The following PTPRD variants were observed in gnomAD, a reference collection of about 807,000 sequenced individuals.
PTPRD encodes the protein receptor-type tyrosine-protein phosphatase delta.
In PTPRD, 34 loss-of-function variants were observed where a neutral mutation model predicts 214.5. The observed-to-expected ratio is 0.16, with a 90% CI of 0.12 to 0.21. PTPRD has a LOEUF of 0.21. Ranked by LOEUF, PTPRD falls within the 10% of genes least tolerant of loss-of-function variation. PTPRD has a pLI of 1.00. For missense variants in PTPRD, 2,545 were observed against 2,398.7 expected (o/e 1.06, Z -1.27); for synonymous variants, 1,128 against 845.7 (o/e 1.33, Z -5.79).
intron 9 of PTPRD, among the ~76,000 whole-genome samples, chr9:9,272,920 G>A (rs941535785): frequency 6.6e-6 from 1 of 151,248 alleles, no homozygotes. Flanking sequence ...ATACAAGCTT[G>A]AGGTAATTTA....
chr9:10,468,824 G>C (rs2099011677), intron 2 of PTPRD, among the ~76,000 whole-genome samples: 1 of 151,988 alleles, frequency 6.6e-6, no homozygotes, highest in African/African-American at 2.4e-5. Context: ...GGCAAAAATG[G>C]TGGAATATTA....
intron 2 of PTPRD, among the ~76,000 whole-genome samples, chr9:10,459,244 C>A (rs998034035): frequency 5.9e-5 from 9 of 152,102 alleles, no homozygotes; most frequent in Non-Finnish European, 1.5e-5. Flanking sequence ...TTTTTTATGG[C>A]TGCATAATAT....
intron 2 of PTPRD, among the ~76,000 whole-genome samples, chr9:10,602,790 A>G (rs1186486629): frequency 2.6e-5 from 4 of 151,764 alleles, no homozygotes; most frequent in African/African-American, 9.7e-5. Flanking sequence ...CAGTATCCTT[A>G]CATTTTATCT....
chr9:9,557,147 C>G (rs573976584), intron 8 of PTPRD, among the ~76,000 whole-genome samples: 1 of 152,114 alleles, frequency 6.6e-6, no homozygotes, highest in Non-Finnish European at 1.5e-5. Context: ...TTATAGCTCC[C>G]GCAATTGACT....
At chr9:8,664,059 T>C (rs1261544097) in intron 12 of PTPRD, among the ~76,000 whole-genome samples, 1 of 152,134 alleles carries the variant, frequency 6.6e-6, no homozygotes, top group African/African-American at 2.4e-5. Flanking sequence ...GTCGAGAGGA[T>C]ATTAACTTTT....
intron 9 of PTPRD, among the ~76,000 whole-genome samples, chr9:9,317,721 G>A (rs562272292): frequency 6.6e-6 from 1 of 152,064 alleles, no homozygotes; most frequent in African/African-American, 2.4e-5. Context: ...ATGCAATAAA[G>A]TAAAAACTTA....
At chr9:10,447,774 G>T (rs1056469442) in intron 2 of PTPRD, among the ~76,000 whole-genome samples, 1 of 152,030 alleles carries the variant, frequency 6.6e-6, no homozygotes, top group African/African-American at 2.4e-5. Context: ...TCAGACTTCA[G>T]GTTCTCTATT....
chr9:8,852,434 G>T (rs1385469645), intron 11 of PTPRD, among the ~76,000 whole-genome samples: 1 of 152,156 alleles, frequency 6.6e-6, no homozygotes, highest in Non-Finnish European at 1.5e-5. Context: ...TGAATTCAAA[G>T]AACTAAGAGA....
intron 2 of PTPRD, among the ~76,000 whole-genome samples, chr9:10,564,834 C>G (rs1376746165): frequency 6.6e-6 from 1 of 152,172 alleles, no homozygotes; most frequent in Non-Finnish European, 1.5e-5. Flanking sequence ...ACTTACACAG[C>G]ATTCTTTTTC....
chr9:10,567,440 A>C (rs1187304150), intron 2 of PTPRD, among the ~76,000 whole-genome samples: 1 of 152,118 alleles, frequency 6.6e-6, no homozygotes, highest in Non-Finnish European at 1.5e-5. Flanking sequence ...TTTCAATTGT[A>C]ATTTTATAGT....
chr9:9,807,569 T>A (rs1349346828), intron 5 of PTPRD, among the ~76,000 whole-genome samples: 1 of 152,222 alleles, frequency 6.6e-6, no homozygotes, highest in Non-Finnish European at 1.5e-5. Context: ...CCACTGATGC[T>A]TGCAGCTACA....
intron 9 of PTPRD, among the ~76,000 whole-genome samples, chr9:9,250,807 T>G (rs749523179): frequency 6.6e-6 from 1 of 151,824 alleles, no homozygotes; most frequent in African/African-American, 2.4e-5. Context: ...GTGAAAAAAA[T>G]GAGTCCCAAC....
chr9:10,188,241 G>T (rs2099346864), intron 3 of PTPRD, among the ~76,000 whole-genome samples: 1 of 151,980 alleles, frequency 6.6e-6, no homozygotes, highest in Non-Finnish European at 1.5e-5. Context: ...TATCCTAGAT[G>T]ACACTGTAAT....
intron 10 of PTPRD, among the ~76,000 whole-genome samples, chr9:9,027,652 C>T (rs1400547898): frequency 6.6e-6 from 1 of 151,858 alleles, no homozygotes; most frequent in Non-Finnish European, 1.5e-5. Flanking sequence ...AATCAGAGTA[C>T]ATTTGAAAAG....
At chr9:10,121,566 AT>A (rs1001662730) in intron 3 of PTPRD, among the ~76,000 whole-genome samples, 2 of 152,182 alleles carry the variant, frequency 1.3e-5, no homozygotes, top group African/African-American at 4.8e-5. Flanking sequence ...ATCCAAGAAT[AT>A]TCAATTGATG....
At chr9:8,447,180 C>T (rs1473922493) in intron 34 of PTPRD, among the ~76,000 whole-genome samples, 1 of 152,214 alleles carries the variant, frequency 6.6e-6, no homozygotes, top group Non-Finnish European at 1.5e-5. Flanking sequence ...GACAATTTCT[C>T]CTTTTCTAGT....
intron 3 of PTPRD, among the ~76,000 whole-genome samples, chr9:10,252,815 A>G (rs1000629133): frequency 6.6e-6 from 1 of 151,958 alleles, no homozygotes; most frequent in Admixed American, 6.6e-5. Flanking sequence ...ACAAACACTC[A>G]CTCTGTCGCC....
At chr9:9,786,575 T>G (rs767854648) in intron 5 of PTPRD, among the ~76,000 whole-genome samples, 1 of 152,154 alleles carries the variant, frequency 6.6e-6, no homozygotes, top group Admixed American at 6.6e-5. Context: ...CCCTTGCTGG[T>G]AGAAGCAAGA....
intron 7 of PTPRD, among the ~76,000 whole-genome samples, chr9:9,637,577 C>T (rs1371562324): frequency 6.6e-6 from 1 of 152,190 alleles, no homozygotes; most frequent in Admixed American, 6.5e-5. Context: ...CCCCTAATGC[C>T]TTGGGCAGCT....
Sources: allele counts gnomAD v4.1 joint callset (sites outside exome capture counted in the v4.1 genomes callset), GRCh38; gene constraint gnomAD v4.1.1; transcripts MANE v1.5; gene names NCBI Gene and HGNC (gene_info 2026-07-23, HGNC 2026-07-21).